NRXN2: variants seen among roughly 807,000 people sequenced by gnomAD.
NRXN2 encodes neurexin-2-beta.
A neutral mutation model predicts 128.8 loss-of-function variants in NRXN2; 29 were observed. The observed-to-expected ratio is 0.23, with a 90% CI of 0.17 to 0.31. The LOEUF is 0.31. Among genes scored for constraint, NRXN2 ranks in the 10% least tolerant of loss-of-function variants. NRXN2 has a pLI of 1.00. For synonymous variants in NRXN2, 1,098 were observed against 1,075.2 expected (o/e 1.02, Z -0.41); for missense variants, 1,881 against 2,452.6 (o/e 0.77, Z 4.92).
chr11:64,681,653 A>G (rs2052307931), intron 6 of NRXN2, among the ~76,000 whole-genome samples: 1 of 152,258 alleles, frequency 6.6e-6, no homozygotes, highest in Admixed American at 6.5e-5. Flanking sequence ...CAGAGGTTGT[A>G]TAACTTGCCT....
chr11:64,653,822 CG>C (rs2047860621), intron 11 of NRXN2, 100 bp from the exon 12 acceptor site: 1 of 901,794 alleles, frequency 1.1e-6, no homozygotes, highest in African/African-American at 1.7e-5. Flanking sequence ...TGTCTGCGGG[CG>C]GGGTTCCCCC....
intron 2 of NRXN2, among the ~76,000 whole-genome samples, chr11:64,711,495 C>G (rs2135668925): frequency 6.6e-6 from 1 of 152,270 alleles, no homozygotes. Context: ...CGCCCCCTGC[C>G]CCCCGACACC....
At chr11:64,701,531 G>C (rs535716696) in intron 2 of NRXN2, among the ~76,000 whole-genome samples, 1 of 152,230 alleles carries the variant, frequency 6.6e-6, no homozygotes, top group East Asian at 1.9e-4. Flanking sequence ...TTGAGCCCAG[G>C]AGTTTGAGAC....
At position 64,648,834 on chromosome 11, in the gene NRXN2, G is replaced by C. The variant is rs1376666361; in HGVS notation, c.3183C>G (p.Gly1061=). ...CCACTGAGGCCAGGCAGCCCTGAAA[G>C]CCATCCCGGGAGGCCACCAGCTTGG... ...NLPKLVASRD[G]FQGCLASVDL... is the part of the protein sequence containing the mutation. The change falls in exon 16 of 23, where the codon GGC becomes GGG. Residue 1061 remains glycine, a synonymous_variant. Transcript: ENST00000265459. This position sits in a 1 kb window ranked among gnomAD's most constrained non-coding sequence, Gnocchi z 4.1. 1 of 1,614,200 alleles carries C rather than the reference G, an allele frequency of 6.2e-7. No homozygotes were observed. Among genetic ancestry groups the C allele is most frequent in the Admixed American group, 1.7e-5 (1 of 60,026 alleles).
chr11:64,674,868 A>G (rs2051090385), intron 7 of NRXN2, among the ~76,000 whole-genome samples: 1 of 152,244 alleles, frequency 6.6e-6, no homozygotes, highest in Non-Finnish European at 1.5e-5. Flanking sequence ...TGATCTTCAC[A>G]CTGACCCCAT....
intron 22 of NRXN2, among the ~76,000 whole-genome samples, chr11:64,609,094 A>G (rs1838650720): frequency 6.6e-6 from 1 of 151,974 alleles, no homozygotes; most frequent in Non-Finnish European, 1.5e-5. Flanking sequence ...CCTGTCCCGT[A>G]GGACTCTGGG....
Position 64,718,397 on chromosome 11 carries a change from C to G in NRXN2, c.-244-4454G>C, listed in dbSNP as rs957160089. On this transcript the variant is annotated intron_variant, in intron 1 of 22. Transcript: ENST00000265459. ...CCTCTCATGCCAGCTGGGAGTGAGA[C>G]AGCAGGGGCCTCCTCCAGGCGCCAG... is the stretch of plus-strand genomic sequence containing the variant. Among the ~76,000 whole-genome samples the G allele has an allele frequency of 5.0e-4, 76 of 152,330 alleles. 4 individuals carry two copies. The highest frequency in any genetic ancestry group is 1.0e-4 in the Non-Finnish European group (7 of 68,026).
Position 64,607,936 on chromosome 11 carries a change from C to T in NRXN2, c.4399G>A (p.Ala1467Thr). Residue 1467 changes from alanine (A) to threonine (T), a missense_variant, in exon 23 of 23, where the codon GCC becomes ACC. This residue lies in a region of NRXN2 where 310 missense variants were observed against 318.2 expected (regional missense o/e 0.97). Transcript: ENST00000265459. ...CCCCCAGAGGGCGGGCGGCGCGCGG[C>T]GGGCGGGGGCAGCGTGTCTTGGGTG... is the stretch of plus-strand genomic sequence containing the variant. ...GATQDTLPPP[A>T]ARRPPSGGPC... The T allele has an allele frequency of 3.1e-6, 4 of 1,274,258 alleles. No individual in the cohort carries two copies. Among genetic ancestry groups the T allele is most frequent in the Non-Finnish European group, 2.0e-6 (2 of 982,104 alleles). The allele number at this position is 1,274,258 out of a possible 1,614,324, so 78.9% of individuals were successfully genotyped here. A position where few individuals can be genotyped will look rare whatever the true frequency, so the allele number is the denominator to read the frequency against.
At chr11:64,626,261 C>T (rs1406595560) in intron 20 of NRXN2, among the ~76,000 whole-genome samples, 1 of 152,148 alleles carries the variant, frequency 6.6e-6, no homozygotes, top group African/African-American at 2.4e-5. Context: ...AAAAACCCCA[C>T]TCCTACCCCA....
chr11:64,633,305 C>T (rs1336202876), intron 18 of NRXN2, among the ~76,000 whole-genome samples: 2 of 152,218 alleles, frequency 1.3e-5, no homozygotes, highest in Non-Finnish European at 2.9e-5. Flanking sequence ...GCCTAGGTAG[C>T]TGATCAGAGA....
intron 18 of NRXN2, among the ~76,000 whole-genome samples, chr11:64,634,844 G>A (rs529382041): frequency 6.6e-6 from 1 of 152,292 alleles, no homozygotes; most frequent in Admixed American, 6.5e-5. Context: ...TATGAAGGAG[G>A]GGCAGGAATA....
Position 64,713,106 on chromosome 11 carries a change from G to T in NRXN2, c.594C>A (p.Arg198=), listed in dbSNP as rs2057105378. ...CGCACAGCGGGTCGGCGGTGGCGCC[G>T]CGCAGGCCCTGGCTGCCCAGCAGCG... is the stretch of plus-strand genomic sequence containing the variant. ...PPALLGSQGL[R]GATADPLCAP... Residue 198 remains arginine, a synonymous_variant, in exon 2 of 23, where the codon CGC becomes CGA. Transcript: ENST00000265459. The T allele has an allele frequency of 7.4e-7, 1 of 1,359,262 alleles. No individual in the cohort carries two copies. The highest frequency in any genetic ancestry group is 1.5e-5 in the African/African-American group (1 of 65,438). The allele number at this position is 1,359,262 out of a possible 1,614,324, so 84.2% of individuals were successfully genotyped here. A position where few individuals can be genotyped will look rare whatever the true frequency, so the allele number is the denominator to read the frequency against.
Position 64,623,360 on chromosome 11 carries a change from G to T in NRXN2, c.3848-282C>A, listed in dbSNP as rs1591557954. 1 of 529,958 alleles carries T rather than the reference G, an allele frequency of 1.9e-6. No individual in the cohort carries two copies. The highest frequency in any genetic ancestry group is 3.2e-5 in the East Asian group (1 of 30,946). 32.8% of individuals were successfully genotyped at this position (529,958 alleles called of 1,614,324 possible). The stretch of plus-strand genomic sequence containing the variant: ...GAGCCCAGTCCCTCCTCCCCACCAT[G>T]TGCAAGCCTTCCCACCTTCCCCATT... On this transcript the variant is annotated intron_variant, in intron 20 of 22. Coordinates refer to ENST00000265459, the MANE Select transcript of NRXN2 (RefSeq NM_015080.4). The surrounding 1 kb of genome is among the most constrained non-coding windows in gnomAD (Gnocchi z 4.9).
intron 21 of NRXN2, among the ~76,000 whole-genome samples, chr11:64,621,789 T>C (rs1404941815): frequency 1.3e-5 from 2 of 152,100 alleles, no homozygotes; most frequent in Admixed American, 6.5e-5. Context: ...CTCCCTGTGC[T>C]AACGGTCAGA....
At chr11:64,712,425 C>T (rs1175461730) in intron 2 of NRXN2, among the ~76,000 whole-genome samples, 1 of 151,618 alleles carries the variant, frequency 6.6e-6, no homozygotes, top group Non-Finnish European at 1.5e-5. Context: ...CCCTCACGGC[C>T]TCACACGAGG....
chr11:64,617,069 G>A (rs1671740568), intron 22 of NRXN2, among the ~76,000 whole-genome samples: 1 of 152,166 alleles, frequency 6.6e-6, no homozygotes, highest in Admixed American at 6.5e-5. Flanking sequence ...GACTTCAGGG[G>A]GGTATAAGCA....
In NRXN2 at chr11:64,713,744, G is replaced by C. The variant is rs556981157; in HGVS notation, c.-45C>G. 1.5e-4 allele frequency: 156 copies of C among 1,008,078 alleles called. 1 individual carries two copies. In the South Asian group the frequency reaches 6.3e-3, roughly 41 times the overall value. The allele number at this position is 1,008,078 out of a possible 1,614,324, so 62.4% of individuals were successfully genotyped here. On this transcript the variant is annotated 5_prime_UTR_variant, in exon 2 of 23. Transcript: ENST00000265459. ...CCGCCCGGCCCCCGGCCCCCGCTCAGGCTTCAGAGCCGCGGGCGCATGGGG... is the reference window on the plus strand; with the variant it reads ...CCGCCCGGCCCCCGGCCCCCGCTCACGCTTCAGAGCCGCGGGCGCATGGGG...
intron 17 of NRXN2, chr11:64,642,715 G>C: frequency 6.8e-7 from 1 of 1,463,798 alleles, no homozygotes; most frequent in Non-Finnish European, 9.0e-7. Flanking sequence ...CAGAGGTGGC[G>C]GCGGCGGCGG....
At chr11:64,716,334 C>T (rs2057303189) in intron 1 of NRXN2, among the ~76,000 whole-genome samples, 1 of 152,174 alleles carries the variant, frequency 6.6e-6, no homozygotes, top group Non-Finnish European at 1.5e-5. Flanking sequence ...CATCCACCAC[C>T]CTTTAGGGAG....
Sources: allele counts gnomAD v4.1 joint callset (sites outside exome capture counted in the v4.1 genomes callset), GRCh38; gene constraint gnomAD v4.1.1; regional missense constraint gnomAD v4.1.1; non-coding constraint Gnocchi (gnomAD v3.1); transcripts MANE v1.5; gene names NCBI Gene and HGNC (gene_info 2026-07-23, HGNC 2026-07-21).